The following SLX4 variants were observed in gnomAD, a reference collection of about 807,000 sequenced individuals.
SLX4 encodes structure-specific endonuclease subunit SLX4.
SLX4 carries 112 observed loss-of-function variants against 146.2 expected under a neutral mutation model. That is an observed-to-expected ratio of 0.77 (90% CI 0.66 to 0.90). SLX4 has a LOEUF of 0.90. Ranked by LOEUF, SLX4 falls within the 40% of genes least tolerant of loss-of-function variation. The pLI, the probability that SLX4 is intolerant of heterozygous loss-of-function variation, is 0.00. For missense variants in SLX4, 2,563 were observed against 2,392.7 expected, an observed-to-expected ratio of 1.07 and a Z score of -1.49; for synonymous variants, 1,061 against 997.7, an observed-to-expected ratio of 1.06 and a Z score of -1.20.
At chr16:3,598,684 C>T (rs1047134663) in intron 5 of SLX4, among the ~76,000 whole-genome samples, 1 of 152,224 alleles carries the variant, frequency 6.6e-6, no homozygotes, top group Admixed American at 6.5e-5. Context: ...GCCCACCTTC[C>T]CTGCAATGCA....
chr16:3,596,101 G>A, intron 8 of SLX4, 52 bp downstream of exon 8: 10 of 1,532,000 alleles, frequency 6.5e-6, no homozygotes, highest in Non-Finnish European at 8.8e-6. Context: ...GCCGCGGGGA[G>A]GGGAGGCCCG....
In SLX4 at chr16:3,589,093, G is replaced by A. The variant is rs142851654; in HGVS notation, c.4545C>T (p.Asp1515=). Residue 1515 remains aspartate, a synonymous_variant, in exon 12 of 15, where the codon GAC becomes GAT. Transcript: ENST00000294008. The surrounding 1 kb of genome is among the most constrained non-coding windows in gnomAD (Gnocchi z 6.2). ...TCTCTGGAGGCCTCTGCTCTTCCCC[G>A]TCCCAAACGTCCCACAGAGCCGAAT... ...FLNSALWDVW[D]GEEQRPPETP... 4.4e-5 allele frequency: 71 copies of A among 1,614,036 alleles called. No individual in the cohort carries two copies. Among genetic ancestry groups the A allele is most frequent in the African/African-American group, 3.6e-4 (27 of 75,022 alleles).
chr16:3,593,799 T>C (rs534406955), intron 10 of SLX4, among the ~76,000 whole-genome samples: 1 of 152,308 alleles, frequency 6.6e-6, no homozygotes, highest in African/African-American at 2.4e-5. Context: ...CCTGAGGAGA[T>C]CAATTATGAG....
intron 5 of SLX4, among the ~76,000 whole-genome samples, chr16:3,599,780 C>T (rs2040706299): frequency 6.6e-6 from 1 of 152,032 alleles, no homozygotes; most frequent in Non-Finnish European, 1.5e-5. Flanking sequence ...AGTGATGGGT[C>T]TTGCTATGTA....
chr16:3,584,469 C>T (rs1215214695), intron 13 of SLX4, among the ~76,000 whole-genome samples: 1 of 152,140 alleles, frequency 6.6e-6, no homozygotes, highest in African/African-American at 2.4e-5. Context: ...GGCTAGGGGG[C>T]CATTTCCATC....
rs758572814 is a variant in SLX4 at position 3,601,010 on chromosome 16, G to A, written c.1132C>T (p.Pro378Ser). Residue 378 changes from proline (P) to serine (S), a missense_variant, in exon 5 of 15, where the codon CCT (proline) becomes TCT (serine). Pro to Ser is a moderately conservative substitution (Grantham distance 74). Transcript: ENST00000294008. ...LQAVRLQTAQ[P>S]EGSSSPPMFS... Reference sequence around the variant, plus strand: ...ATGGGTGGGCTGCTGCTACCCTCAGGCTGTGCTGTCTGCAGCCGCACAGCC... The same window carrying A: ...ATGGGTGGGCTGCTGCTACCCTCAGACTGTGCTGTCTGCAGCCGCACAGCC... 1.9e-6 allele frequency: 3 copies of A among 1,613,790 alleles called. No homozygotes were observed. The highest frequency in any genetic ancestry group is 3.3e-5 in the Admixed American group (2 of 60,008).
In SLX4 at chr16:3,608,894, G is replaced by A. The variant is rs771060710; in HGVS notation, c.71C>T (p.Pro24Leu). The change falls in exon 2 of 15, where the codon CCT becomes CTT. Residue 24 changes from proline (P) to leucine (L), a missense_variant. Coordinates refer to ENST00000294008, the MANE Select transcript of SLX4 (RefSeq NM_032444.4). ...TTCAGAGGAGCGAGGGTCAATCCCAGGACAGGCAGACAGATGAGAAAGTGA... is the reference window on the plus strand; with the variant it reads ...TTCAGAGGAGCGAGGGTCAATCCCAAGACAGGCAGACAGATGAGAAAGTGA... ...LGSLSHLSAC[P>L]GIDPRSSEDQ... The A allele has an allele frequency of 6.2e-7, 1 of 1,614,150 alleles. No homozygotes were observed. The highest frequency in any genetic ancestry group is 8.5e-7 in the Non-Finnish European group (1 of 1,180,030).
intron 10 of SLX4, among the ~76,000 whole-genome samples, chr16:3,593,505 G>A (rs1351234535): frequency 2.0e-5 from 3 of 152,182 alleles, no homozygotes; most frequent in South Asian, 2.1e-4. Context: ...GGCATGAGCC[G>A]CCGTGCCTGG....
At position 3,582,360 on chromosome 16, in the gene SLX4, C is replaced by T. The variant is rs1373366784; in HGVS notation, c.5487G>A (p.Lys1829=). ...QGRRRQPRGK[K]KVERN is the part of the protein sequence containing the mutation. ...GGCCCCATCAGTTCCGCTCCACCTT[C>T]TTCTTGCCCCGAGGCTGCCGCCTCC... is the stretch of plus-strand genomic sequence containing the variant. The change falls in exon 15 of 15, where the codon AAG becomes AAA. Residue 1829 remains lysine, a synonymous_variant. Coordinates refer to ENST00000294008, the MANE Select transcript of SLX4 (RefSeq NM_032444.4). The T allele has an allele frequency of 2.5e-6, 4 of 1,612,530 alleles. No individual in the cohort carries two copies. The highest frequency in any genetic ancestry group is 3.4e-6 in the Non-Finnish European group (4 of 1,180,024).
chr16:3,592,906 AG>A (rs1567171762), intron 10 of SLX4, 41 bp from the exon 11 acceptor site: 2 of 1,584,312 alleles, frequency 1.3e-6, no homozygotes, highest in Admixed American at 3.5e-5. Context: ...CTGATCAGAG[AG>A]TTGTAACTTG....
chr16:3,582,442 T>C lies in SLX4; in HGVS notation c.5405A>G (p.Asp1802Gly). The part of the protein sequence containing the change: ...VSSRRLLDFL[D>G]THCITFTTAA... ...AGTGGTGAAGGTGATACAGTGGGTGTCCAGGAAGTCCAACAGCCTGCGCGA... is the reference window on the plus strand; with the variant it reads ...AGTGGTGAAGGTGATACAGTGGGTGCCCAGGAAGTCCAACAGCCTGCGCGA... Residue 1802 changes from aspartate (D) to glycine (G), a missense_variant, in exon 15 of 15, where the codon GAC (aspartate) becomes GGC (glycine). Coordinates refer to ENST00000294008, the MANE Select transcript of SLX4 (RefSeq NM_032444.4). 6.2e-7 allele frequency: 1 copy of C among 1,613,898 alleles called. No homozygotes were observed. Among genetic ancestry groups the C allele is most frequent in the South Asian group, 1.1e-5 (1 of 91,088 alleles).
rs1319506150 is a variant in SLX4, at chr16:3,591,276, G to C, written c.2362C>G (p.Gln788Glu). Residue 788 changes from glutamine to glutamate, a missense_variant, in exon 12 of 15, where the codon CAG (glutamine) becomes GAG (glutamate). Coordinates refer to ENST00000294008, the MANE Select transcript of SLX4 (RefSeq NM_032444.4). ...TCTGAGTCAGTGGCAATAGGCACCTGTTCGCACAGGTGAACGAGCTCACTC... is the reference window on the plus strand; with the variant it reads ...TCTGAGTCAGTGGCAATAGGCACCTCTTCGCACAGGTGAACGAGCTCACTC... ...GVSELVHLCE[Q>E]VPIATDSEGK... is the part of the protein sequence containing the mutation. The C allele has an allele frequency of 6.2e-7, 1 of 1,612,258 alleles. No homozygotes were observed. Among genetic ancestry groups the C allele is most frequent in the Non-Finnish European group, 8.5e-7 (1 of 1,180,042 alleles).
At chr16:3,594,114 G>A (rs1471895103) in intron 10 of SLX4, among the ~76,000 whole-genome samples, 2 of 151,994 alleles carry the variant, frequency 1.3e-5, no homozygotes, top group African/African-American at 2.4e-5. Flanking sequence ...TGATCTGCCC[G>A]CCTCGGCCTC....
chr16:3,599,942 G>C lies in SLX4; in HGVS notation c.1163+1037C>G, dbSNP rs79446023. ...TCTTATGTTAACAGTGTGAAAACTG[G>C]ACTGTGCTGAGGTGGAAACCATGCT... On this transcript the variant is annotated intron_variant, in intron 5 of 14. Coordinates refer to ENST00000294008, the MANE Select transcript of SLX4 (RefSeq NM_032444.4). Among the ~76,000 whole-genome samples the C allele has an allele frequency of 4.3e-3, 652 of 152,286 alleles. 2 individuals carry two copies. The highest frequency in any genetic ancestry group is 7.7e-3 in the Non-Finnish European group (527 of 68,024).
chr16:3,605,064 T>C (rs1467992755), intron 3 of SLX4, among the ~76,000 whole-genome samples: 1 of 149,056 alleles, frequency 6.7e-6, no homozygotes, highest in Non-Finnish European at 1.5e-5. Context: ...GGGACTACAG[T>C]TGTGCACCAT....
intron 11 of SLX4, among the ~76,000 whole-genome samples, chr16:3,591,697 G>A (rs1454290882): frequency 1.3e-5 from 2 of 152,264 alleles, no homozygotes; most frequent in Middle Eastern, 3.4e-3. Flanking sequence ...TTGGGAAGCC[G>A]AGGATCACTC....
chr16:3,598,674 G>A (rs2040694282), intron 5 of SLX4, among the ~76,000 whole-genome samples: 1 of 152,204 alleles, frequency 6.6e-6, no homozygotes, highest in African/African-American at 2.4e-5. Flanking sequence ...CACAAACCGG[G>A]CCCACCTTCC....
intron 5 of SLX4, among the ~76,000 whole-genome samples, chr16:3,599,951 G>C (rs1451232831): frequency 6.6e-6 from 1 of 152,158 alleles, no homozygotes; most frequent in African/African-American, 2.4e-5. Flanking sequence ...GGACTGTGCT[G>C]AGGTGGAAAC....
In SLX4 at chr16:3,594,600, C is replaced by G. The variant is rs777582528; in HGVS notation, c.2014-1G>C. ...CAGCAACCAGCAGCCCGAGGGAGAG[C>G]TGAAGCAGGAGGAGAGGAAGAGCCG... On this transcript the variant is annotated splice_acceptor_variant, in intron 9 of 14. Coordinates refer to ENST00000294008, the MANE Select transcript of SLX4 (RefSeq NM_032444.4). LOFTEE classifies it high-confidence loss of function. 6.2e-7 allele frequency: 1 copy of G among 1,614,026 alleles called. No individual in the cohort carries two copies. The highest frequency in any genetic ancestry group is 1.1e-5 in the South Asian group (1 of 91,076).
Sources: gnomAD v4.1 joint callset for allele counts (sites outside exome capture counted in the v4.1 genomes callset) on GRCh38, gnomAD v4.1.1 for gene constraint, Gnocchi (gnomAD v3.1) non-coding constraint, MANE v1.5 for transcripts, NCBI Gene and HGNC (gene_info 2026-07-23, HGNC 2026-07-21) for gene names.